Variants in ARB2A observed in about 807,000 individuals in gnomAD.
ARB2A encodes the protein ARB2 cotranscriptional regulator A.
chr5:93,742,375 A>G, the ARB2A span, among the ~76,000 whole-genome samples: 2 of 152,092 alleles, frequency 1.3e-5, no homozygotes, highest in East Asian at 3.9e-4. Context: ...TCCCCCACTG[A>G]GGATGCTCCC....
At chr5:93,843,083 A>G in the ARB2A span, among the ~76,000 whole-genome samples, 2 of 152,202 alleles carry the variant, frequency 1.3e-5, no homozygotes, top group African/African-American at 4.8e-5. Context: ...AAATAAGACA[A>G]AAAGTTCTAA....
At chr5:94,082,469 T>C in the ARB2A span, among the ~76,000 whole-genome samples, 1 of 152,186 alleles carries the variant, frequency 6.6e-6, no homozygotes, top group Admixed American at 6.5e-5. Context: ...AGCAGCTGAT[T>C]AAGCCTAGTA....
chr5:94,039,883 C>G, the ARB2A span, among the ~76,000 whole-genome samples: 1 of 152,094 alleles, frequency 6.6e-6, no homozygotes, highest in Non-Finnish European at 1.5e-5. Flanking sequence ...CCCCCAACCC[C>G]GATCACTGAT....
chr5:93,905,404 A>G, the ARB2A span, among the ~76,000 whole-genome samples: 1 of 151,776 alleles, frequency 6.6e-6, no homozygotes, highest in South Asian at 2.1e-4. Flanking sequence ...TCCTATATGC[A>G]AAGACATTTT....
the ARB2A span, among the ~76,000 whole-genome samples, chr5:93,999,248 C>T: frequency 6.6e-6 from 1 of 151,454 alleles, no homozygotes; most frequent in East Asian, 1.9e-4. Flanking sequence ...AAGTTTGAGG[C>T]TTATCTTGGG....
the ARB2A span, among the ~76,000 whole-genome samples, chr5:93,978,994 T>C: frequency 2.0e-5 from 3 of 152,068 alleles, no homozygotes; most frequent in East Asian, 3.9e-4. Context: ...GCATGTTAAG[T>C]AGCTAGAAGA....
At chr5:94,027,137 G>A in the ARB2A span, among the ~76,000 whole-genome samples, 1 of 152,210 alleles carries the variant, frequency 6.6e-6, no homozygotes, top group Non-Finnish European at 1.5e-5. Flanking sequence ...GGGGTAATAA[G>A]ATAAGAGTCT....
At chr5:94,096,161 A>G in the ARB2A span, among the ~76,000 whole-genome samples, 1 of 152,262 alleles carries the variant, frequency 6.6e-6, no homozygotes, top group East Asian at 1.9e-4. Context: ...AAAAATGATG[A>G]TATCAAGAAG....
the ARB2A span, chr5:93,683,786 A>G: frequency 1.5e-6 from 2 of 1,369,424 alleles, no homozygotes; most frequent in Non-Finnish European, 1.0e-6. Flanking sequence ...TGCAGAGAAC[A>G]GCCGCGCAGG....
At chr5:94,001,807 G>T in the ARB2A span, among the ~76,000 whole-genome samples, 1 of 151,860 alleles carries the variant, frequency 6.6e-6, no homozygotes, top group Non-Finnish European at 1.5e-5. Context: ...CCACATCTCG[G>T]TCTGATGCTT....
the ARB2A span, among the ~76,000 whole-genome samples, chr5:93,712,140 G>T: frequency 1.3e-5 from 2 of 152,144 alleles, no homozygotes; most frequent in Non-Finnish European, 2.9e-5. Context: ...TCCATCCACA[G>T]AGTCTTACTA....
chr5:93,918,835 A>C, the ARB2A span, among the ~76,000 whole-genome samples: 2 of 152,118 alleles, frequency 1.3e-5, no homozygotes, highest in Non-Finnish European at 2.9e-5. Context: ...TGATTCTATG[A>C]AACAGTGATT....
chr5:93,905,963 C>T, the ARB2A span, among the ~76,000 whole-genome samples: 1 of 151,482 alleles, frequency 6.6e-6, no homozygotes, highest in Non-Finnish European at 1.5e-5. Flanking sequence ...CTTAATGCTA[C>T]TTCAGTCACC....
At chr5:93,890,123 T>G in the ARB2A span, among the ~76,000 whole-genome samples, 1 of 151,940 alleles carries the variant, frequency 6.6e-6, no homozygotes, top group African/African-American at 2.4e-5. Flanking sequence ...GTTTCATGCC[T>G]CTGCTTTACA....
At chr5:93,774,743 G>C in the ARB2A span, among the ~76,000 whole-genome samples, 1 of 152,068 alleles carries the variant, frequency 6.6e-6, no homozygotes, top group African/African-American at 2.4e-5. Flanking sequence ...GCTTCATTCA[G>C]GCCTGAGTTA....
chr5:93,728,033 T>C, the ARB2A span, among the ~76,000 whole-genome samples: 1 of 152,100 alleles, frequency 6.6e-6, no homozygotes, highest in African/African-American at 2.4e-5. Flanking sequence ...ATTTCAGTAT[T>C]CACAGATGGA....
chr5:93,895,138 T>C, the ARB2A span, among the ~76,000 whole-genome samples: 3 of 152,254 alleles, frequency 2.0e-5, no homozygotes, highest in South Asian at 2.1e-4. Flanking sequence ...CCTCAAGCAG[T>C]TGTCTGTGCT....
At chr5:93,905,216 T>G in the ARB2A span, among the ~76,000 whole-genome samples, 3 of 151,698 alleles carry the variant, frequency 2.0e-5, no homozygotes, top group Admixed American at 6.6e-5. Context: ...TGTGTGTGTA[T>G]GTATTACACA....
the ARB2A span, chr5:93,741,485 G>A: frequency 3.1e-6 from 5 of 1,613,280 alleles, no homozygotes; most frequent in Admixed American, 1.7e-5. Flanking sequence ...TCAACCCGCA[G>A]GGGCATCGGC....
Sources: allele counts gnomAD v4.1 joint callset (sites outside exome capture counted in the v4.1 genomes callset), GRCh38; gene constraint gnomAD v4.1.1; transcripts MANE v1.5; gene names NCBI Gene and HGNC (gene_info 2026-07-23, HGNC 2026-07-21).